Variants in OR7A10 observed in about 807,000 individuals in gnomAD.
OR7A10 encodes the protein olfactory receptor 7A10.
For synonymous variants in OR7A10, 144 were observed against 144.5 expected, an observed-to-expected ratio of 1.00 and a Z score of 0.02; for missense variants, 358 against 370.1, an observed-to-expected ratio of 0.97 and a Z score of 0.27.
At position 14,841,420 on chromosome 19, in the gene OR7A10, A is replaced by G. The variant is rs778411259; in HGVS notation, c.458T>C (p.Val153Ala). Reference protein sequence around the residue: ...LLVLASWIMSVLNSMLQSLMV... With the variant: ...LLVLASWIMSALNSMLQSLMV... ...TAAGCTTTGTAACATGGAATTCAGAACACTCATGATCCAGGATGCCAGAAC... is the reference window on the plus strand; with the variant it reads ...TAAGCTTTGTAACATGGAATTCAGAGCACTCATGATCCAGGATGCCAGAAC... Residue 153 changes from valine (V) to alanine (A), a missense_variant, in exon 2 of 2, where the codon GTT (valine) becomes GCT (alanine). Physicochemically the swap from Val to Ala is moderately conservative, Grantham distance 64 (BLOSUM62 0). Coordinates refer to ENST00000641129, the MANE Select transcript of OR7A10 (RefSeq NM_001005190.2). 5.0e-6 allele frequency: 8 copies of G among 1,614,170 alleles called. No homozygotes were observed. Among genetic ancestry groups the G allele is most frequent in the Non-Finnish European group, 5.1e-6 (6 of 1,180,006 alleles).
At position 14,840,775 on chromosome 19, in the gene OR7A10, C is replaced by G; in HGVS notation, c.*173G>C. 1 of 506,650 alleles carries G rather than the reference C, an allele frequency of 2.0e-6. No homozygotes were observed. The highest frequency in any genetic ancestry group is 3.5e-6 in the Non-Finnish European group (1 of 288,192). The allele number at this position is 506,650 out of a possible 1,614,324, so 31.4% of individuals were successfully genotyped here. ...GTCATATTTAAGGTCATCTCTGACTCTAAGAAGAACAGTGTAAGCTCTATA... is the reference window on the plus strand; with the variant it reads ...GTCATATTTAAGGTCATCTCTGACTGTAAGAAGAACAGTGTAAGCTCTATA... On this transcript the variant is annotated 3_prime_UTR_variant, in exon 2 of 2. Transcript: ENST00000641129.
intron 1 of OR7A10, 60 bp downstream of exon 1, chr19:14,848,440 G>A (rs2044953700): frequency 6.6e-6 from 1 of 152,094 alleles, no homozygotes; most frequent in Non-Finnish European, 1.5e-5. Flanking sequence ...CGAGATCTCG[G>A]GTCTATGTTC....
Position 14,841,200 on chromosome 19 carries a change from A to C in OR7A10, c.678T>G (p.Arg226=), listed in dbSNP as rs766353826. Residue 226 remains arginine, a synonymous_variant, in exon 2 of 2, where the codon CGT becomes CGG. Coordinates refer to ENST00000641129, the MANE Select transcript of OR7A10 (RefSeq NM_001005190.2). ...ACTTCCCCTGAGCTGATGAGATTGC[A>C]CGTATGGAGGAAACTATCTTAGAGT... The part of the protein sequence containing the change: ...YSYSKIVSSI[R]AISSAQGKYK... 58 of 1,614,028 alleles carry C rather than the reference A, an allele frequency of 3.6e-5. No homozygotes were observed. The highest frequency in any genetic ancestry group is 4.8e-5 in the Non-Finnish European group (57 of 1,180,036).
chr19:14,843,380 G>A (rs1416318011), intron 1 of OR7A10, among the ~76,000 whole-genome samples: 4 of 152,192 alleles, frequency 2.6e-5, no homozygotes, highest in African/African-American at 9.7e-5. Flanking sequence ...CATCATTTTT[G>A]TGAGGAGAAC....
chr19:14,845,940 G>A (rs2044940491), intron 1 of OR7A10, among the ~76,000 whole-genome samples: 1 of 152,162 alleles, frequency 6.6e-6, no homozygotes, highest in South Asian at 2.1e-4. Context: ...CGGATCAGGA[G>A]GTTAGGAGTC....
At chr19:14,845,034 C>T in intron 1 of OR7A10, among the ~76,000 whole-genome samples, 1 of 149,570 alleles carries the variant, frequency 6.7e-6, no homozygotes, top group East Asian at 2.0e-4. Flanking sequence ...TCTGAAAATT[C>T]CTCTCGCCCT....
At position 14,841,548 on chromosome 19, in the gene OR7A10, C is replaced by A. The variant is rs768781427; in HGVS notation, c.330G>T (p.Leu110Phe). ...CCATCACGGTCAGAAGGAAGTTATCCAATCCTACAAAGAGTAAGAAAAAGC... is the reference window on the plus strand; with the variant it reads ...CCATCACGGTCAGAAGGAAGTTATCAAATCCTACAAAGAGTAAGAAAAAGC... Reference protein sequence around the residue: ...QMCFFLLFVGLDNFLLTVMAY... With the variant: ...QMCFFLLFVGFDNFLLTVMAY... The change falls in exon 2 of 2, where the codon TTG becomes TTT. Residue 110 changes from leucine to phenylalanine, a missense_variant. Coordinates refer to ENST00000641129, the MANE Select transcript of OR7A10 (RefSeq NM_001005190.2). The A allele has an allele frequency of 2.5e-6, 4 of 1,614,130 alleles. No homozygotes were observed. The highest frequency in any genetic ancestry group is 3.4e-6 in the Non-Finnish European group (4 of 1,180,014).
rs1173848031 is a variant in OR7A10, at chr19:14,840,848, G to T, written c.*100C>A. 3 of 788,062 alleles carry T rather than the reference G, an allele frequency of 3.8e-6. No individual in the cohort carries two copies. The highest frequency in any genetic ancestry group is 6.1e-6 in the Non-Finnish European group (3 of 492,080). The allele number at this position is 788,062 out of a possible 1,614,324, so 48.8% of individuals were successfully genotyped here. On this transcript the variant is annotated 3_prime_UTR_variant, in exon 2 of 2. Transcript: ENST00000641129. Reference sequence around the variant, plus strand: ...TTTAAACTCCAGGAAATAAATGGAAGGGGCAAGTCTTCCTTCCACCATCTT... The same window carrying T: ...TTTAAACTCCAGGAAATAAATGGAATGGGCAAGTCTTCCTTCCACCATCTT...
intron 1 of OR7A10, among the ~76,000 whole-genome samples, chr19:14,844,662 G>GTTTTTTTTTTTTTTTTT (rs2044931412): frequency 2.0e-5 from 1 of 49,966 alleles, no homozygotes. Context: ...CTTGAGTTCT[G>GTTTTTTTTTTTTTTTTT]TGTTTTTTTT....
chr19:14,845,136 G>A (rs896640893), intron 1 of OR7A10, among the ~76,000 whole-genome samples: 5 of 151,132 alleles, frequency 3.3e-5, no homozygotes, highest in African/African-American at 9.7e-5. Context: ...GGCCTCCTAG[G>A]GCTGTGTTAC....
chr19:14,848,395 C>T, intron 1 of OR7A10, 105 bp downstream of exon 1: 1 of 150,766 alleles, frequency 6.6e-6, no homozygotes, highest in East Asian at 1.9e-4. Flanking sequence ...CCCACAGCAG[C>T]GTCTCCACTC....
chr19:14,846,897 A>G (rs1237706834), intron 1 of OR7A10, among the ~76,000 whole-genome samples: 1 of 152,110 alleles, frequency 6.6e-6, no homozygotes. Context: ...TTGGAAATTT[A>G]TATATAGAAG....
chr19:14,841,491 A>C lies in OR7A10; in HGVS notation c.387T>G (p.Pro129=). The C allele has an allele frequency of 6.2e-7, 1 of 1,614,230 alleles. No homozygotes were observed. The highest frequency in any genetic ancestry group is 1.6e-4 in the Middle Eastern group (1 of 6,062). Residue 129 remains proline, a synonymous_variant, in exon 2 of 2, where the codon CCT becomes CCG. Coordinates refer to ENST00000641129, the MANE Select transcript of OR7A10 (RefSeq NM_001005190.2). ...GGTTCATAATGACCATGTAGTGCAG[A>C]GGGTGACAGATGGCCACAAACCGGT... ...AYDRFVAICH[P]LHYMVIMNPQ...
At chr19:14,844,748 T>C (rs10404608) in intron 1 of OR7A10, among the ~76,000 whole-genome samples, 110,819 of 146,394 alleles carry the variant, frequency 0.76, 42,384 homozygotes, top group East Asian at 1. Flanking sequence ...CTGCAACCTC[T>C]GCCTCCTGGG....
intron 1 of OR7A10, among the ~76,000 whole-genome samples, chr19:14,847,365 T>C (rs957721157): frequency 2.0e-5 from 3 of 152,198 alleles, no homozygotes; most frequent in African/African-American, 7.2e-5. Flanking sequence ...AAAATTTTAA[T>C]TCATTTGAAT....
rs758929368 is a variant in OR7A10, at chr19:14,841,066, C to A, written c.812G>T (p.Gly271Val). The A allele has an allele frequency of 2.1e-5, 34 of 1,613,940 alleles. No individual in the cohort carries two copies. The highest frequency in any genetic ancestry group is 2.7e-5 in the Non-Finnish European group (32 of 1,180,018). Residue 271 changes from glycine to valine, a missense_variant, in exon 2 of 2, where the codon GGT becomes GTT. Gly to Val is a moderately radical substitution (Grantham distance 109). Coordinates refer to ENST00000641129, the MANE Select transcript of OR7A10 (RefSeq NM_001005190.2). ...SSAATHNSHT[G>V]AAASVMYTVV... ...AGTGTACATCACTGAGGCTGCAGCA[C>A]CTGTGTGTGAATTGTGGGTGGCAGC...
rs959196817 is a variant in OR7A10 at position 14,847,522 on chromosome 19, T to A, written c.-13+978A>T. On this transcript the variant is annotated intron_variant, in intron 1 of 1. Transcript: ENST00000641129. The stretch of plus-strand genomic sequence containing the variant: ...GCCCTTCTATTTTTATTTATTTTTA[T>A]TTTTTTGAGATGGAGTCTCGCTCTG... Among the ~76,000 whole-genome samples the A allele has an allele frequency of 3.2e-4, 49 of 151,992 alleles. 2 individuals carry two copies. Among genetic ancestry groups the A allele is most frequent in the Non-Finnish European group, 2.9e-5 (2 of 67,988 alleles).
Position 14,841,434 on chromosome 19 carries a change from G to T in OR7A10, c.444C>A (p.Ser148=), listed in dbSNP as rs187236921. 1.3e-4 allele frequency: 203 copies of T among 1,614,156 alleles called. 1 individual carries two copies. The East Asian group carries it at 4.3e-3, about 34-fold the overall frequency. The change falls in exon 2 of 2, where the codon TCC becomes TCA. Residue 148 remains serine (S), a synonymous_variant. Transcript: ENST00000641129. ...TGGAATTCAGAACACTCATGATCCA[G>T]GATGCCAGAACCAGCAGTCCACAGA... ...PQLCGLLVLA[S]WIMSVLNSML...
chr19:14,846,457 T>A lies in OR7A10; in HGVS notation c.-13+2043A>T, dbSNP rs753170837. Among the ~76,000 whole-genome samples, 64 of 152,074 alleles carry A rather than the reference T, an allele frequency of 4.2e-4. No individual in the cohort carries two copies. In the Middle Eastern group the frequency reaches 0.01, roughly 24 times the overall value. ...AAAATCTGAAAAAATTTTAATATAA[T>A]CACATAAAATAGTAATAATTTAATA... On this transcript the variant is annotated intron_variant, in intron 1 of 1. Transcript: ENST00000641129.
Sources: allele counts gnomAD v4.1 joint callset (sites outside exome capture counted in the v4.1 genomes callset), GRCh38; gene constraint gnomAD v4.1.1; transcripts MANE v1.5; gene names NCBI Gene and HGNC (gene_info 2026-07-23, HGNC 2026-07-21).